PHF20L1: variants seen among roughly 807,000 people sequenced by gnomAD.
PHF20L1 encodes PHD finger protein 20-like protein 1.
Under a neutral mutation model 125.5 loss-of-function variants are expected in PHF20L1, and 44 were observed. The ratio of observed to expected loss-of-function variants is 0.35; its 90% CI spans 0.28 to 0.45. The LOEUF (loss-of-function observed/expected upper bound fraction) is 0.45. PHF20L1 is among the 20% of genes least tolerant of loss of function. The probability of loss-of-function intolerance (pLI) is 1.00; values close to 1 mark genes in which losing one functional copy is unlikely to be tolerated. For synonymous variants in PHF20L1, 380 were observed against 403.1 expected (o/e 0.94, Z 0.69); for missense variants, 1,012 against 1,217.2 (o/e 0.83, Z 2.51).
chr8:132,830,190 C>T (rs563512012), intron 14 of PHF20L1, among the ~76,000 whole-genome samples: 4 of 152,018 alleles, frequency 2.6e-5, no homozygotes, highest in Non-Finnish European at 4.4e-5. Context: ...TGGCTCTTGT[C>T]CTGCTCCCAT....
intron 2 of PHF20L1, among the ~76,000 whole-genome samples, chr8:132,786,830 T>G (rs1188148810): frequency 6.6e-6 from 1 of 152,116 alleles, no homozygotes; most frequent in Non-Finnish European, 1.5e-5. Flanking sequence ...AAACATTAGT[T>G]TTAATCATAA....
chr8:132,788,175 CATA>C (rs1165708735), intron 2 of PHF20L1, among the ~76,000 whole-genome samples: 2 of 152,198 alleles, frequency 1.3e-5, no homozygotes, highest in East Asian at 1.9e-4. Flanking sequence ...TGTGTGCTAG[CATA>C]ATGTCTTTAT....
At chr8:132,799,325 C>A (rs116458893) in intron 6 of PHF20L1, 153 bp downstream of exon 6, 9 of 538,256 alleles carry the variant, frequency 1.7e-5, no homozygotes, top group Non-Finnish European at 2.6e-5. Context: ...CTTTAAAAGG[C>A]GCTTACCTGA....
intron 12 of PHF20L1, chr8:132,819,053 G>T (rs185394112): frequency 1.3e-5 from 2 of 151,790 alleles, no homozygotes; most frequent in Non-Finnish European, 2.9e-5. Context: ...CCTTGACTTC[G>T]ATGATTTTGC....
chr8:132,793,394 A>C (rs1335361516), intron 2 of PHF20L1, among the ~76,000 whole-genome samples: 1 of 152,206 alleles, frequency 6.6e-6, no homozygotes, highest in Non-Finnish European at 1.5e-5. Context: ...TAAAGTAGGT[A>C]GTAATCAGTT....
intron 11 of PHF20L1, 95 bp downstream of exon 11, chr8:132,817,171 T>C (rs1235453633): frequency 1.1e-6 from 1 of 914,038 alleles, no homozygotes; most frequent in African/African-American, 1.7e-5. Context: ...ATATTTCTGC[T>C]CTTATATCTT....
At chr8:132,814,178 T>G (rs1834711434) in intron 9 of PHF20L1, among the ~76,000 whole-genome samples, 1 of 151,954 alleles carries the variant, frequency 6.6e-6, no homozygotes, top group African/African-American at 2.4e-5. Flanking sequence ...ATCTGTCTAC[T>G]TAGACCTTTA....
rs181399896 is a variant in PHF20L1 at position 132,824,095 on chromosome 8, A to G, written c.1636+35A>G. 436 of 1,359,876 alleles carry G rather than the reference A, an allele frequency of 3.2e-4. 1 individual carries two copies. In the African/African-American group the frequency reaches 5.5e-3, roughly 17 times the overall value. 84.2% of individuals were successfully genotyped at this position (1,359,876 alleles called of 1,614,324 possible). ...GAAAGTAATCTTTAAGCAAAAGACTATAAAGCTTGACAGAGAGGGAGGACA... is the reference window on the plus strand; with the variant it reads ...GAAAGTAATCTTTAAGCAAAAGACTGTAAAGCTTGACAGAGAGGGAGGACA... On this transcript the variant is annotated intron_variant, in intron 13 of 20. Transcript: ENST00000395386.
At chr8:132,809,434 T>G (rs1398694096) in intron 8 of PHF20L1, 1 of 152,230 alleles carries the variant, frequency 6.6e-6, no homozygotes, top group Non-Finnish European at 1.5e-5. Context: ...CCCAAAGTGC[T>G]GGGATTACAG....
intron 14 of PHF20L1, among the ~76,000 whole-genome samples, chr8:132,827,259 G>A (rs1333977791): frequency 3.3e-5 from 5 of 151,782 alleles, no homozygotes; most frequent in Admixed American, 3.3e-4. Context: ...TATTCACTGT[G>A]AACTCATTTG....
chr8:132,818,409 C>G (rs990172382), intron 12 of PHF20L1: 2 of 151,818 alleles, frequency 1.3e-5, no homozygotes, highest in African/African-American at 4.8e-5. Flanking sequence ...CAGGCGTCTT[C>G]CCTGAAACCA....
intron 2 of PHF20L1, among the ~76,000 whole-genome samples, chr8:132,785,570 T>C (rs1441411592): frequency 4.6e-5 from 7 of 152,196 alleles, no homozygotes; most frequent in Non-Finnish European, 7.4e-5. Flanking sequence ...AGTTTTTTAG[T>C]ATTTTTACTG....
At chr8:132,829,558 G>T (rs749101191) in intron 14 of PHF20L1, among the ~76,000 whole-genome samples, 1 of 152,032 alleles carries the variant, frequency 6.6e-6, no homozygotes, top group African/African-American at 2.4e-5. Flanking sequence ...TCAGAATAGC[G>T]TAGTGCTGCC....
chr8:132,817,079 A>G lies in PHF20L1; in HGVS notation c.1372+3A>G, dbSNP rs112985025. ...GCAAGAATCTTCAGTACCAGAGGGT[A>G]ATGTATATTGATTTCCTATAGAACC... On this transcript the variant is annotated splice_donor_region_variant and intron_variant, in intron 11 of 20. Coordinates refer to ENST00000395386, the MANE Select transcript of PHF20L1 (RefSeq NM_016018.5). The G allele has an allele frequency of 6.6e-7, 1 of 1,512,098 alleles. No individual in the cohort carries two copies. Among genetic ancestry groups the G allele is most frequent in the Non-Finnish European group, 8.9e-7 (1 of 1,121,594 alleles). 93.7% of individuals were successfully genotyped at this position (1,512,098 alleles called of 1,614,324 possible).
intron 6 of PHF20L1, among the ~76,000 whole-genome samples, chr8:132,802,704 C>T (rs1833220785): frequency 6.6e-6 from 1 of 151,764 alleles, no homozygotes; most frequent in Non-Finnish European, 1.5e-5. Context: ...GTTAGAAATA[C>T]AGATTTTTCT....
At chr8:132,840,116 A>T (rs1837780438) in intron 18 of PHF20L1, among the ~76,000 whole-genome samples, 1 of 152,140 alleles carries the variant, frequency 6.6e-6, no homozygotes, top group Non-Finnish European at 1.5e-5. Flanking sequence ...CCTTATTTCC[A>T]GTCCTTCCTA....
chr8:132,825,035 G>A (rs1836011743), intron 13 of PHF20L1: 1 of 1,443,486 alleles, frequency 6.9e-7, no homozygotes, highest in Non-Finnish European at 9.4e-7. Context: ...TAACTTTAAG[G>A]TATCAGGAGT....
intron 2 of PHF20L1, among the ~76,000 whole-genome samples, chr8:132,792,900 AG>A (rs1233307487): frequency 6.6e-6 from 1 of 152,064 alleles, no homozygotes; most frequent in African/African-American, 2.4e-5. Flanking sequence ...CTTTCAATAA[AG>A]AATGCAGCCT....
intron 2 of PHF20L1, among the ~76,000 whole-genome samples, chr8:132,791,254 CTTT>C (rs1184118420): frequency 0.019 from 2,203 of 117,056 alleles, 62 homozygotes; most frequent in African/African-American, 0.071. Flanking sequence ...GAGTTATTTC[CTTT>C]TTTTTTTTTT....
Sources: gnomAD v4.1 joint callset for allele counts (sites outside exome capture counted in the v4.1 genomes callset) on GRCh38, gnomAD v4.1.1 for gene constraint, MANE v1.5 for transcripts, NCBI Gene and HGNC (gene_info 2026-07-23, HGNC 2026-07-21) for gene names.